Variants in RBMS1 observed in about 807,000 individuals in gnomAD.
The protein encoded by RBMS1 is RNA-binding motif, single-stranded-interacting protein 1.
A neutral mutation model predicts 62.3 loss-of-function variants in RBMS1; 17 were observed. The observed-to-expected ratio is 0.27, with a 90% CI of 0.19 to 0.41. The LOEUF is 0.41. Ranked by LOEUF, RBMS1 falls within the 10% of genes least tolerant of loss-of-function variation. The probability of loss-of-function intolerance (pLI) is 1.00; values close to 1 mark genes in which losing one functional copy is unlikely to be tolerated. For synonymous variants in RBMS1, 172 were observed against 170.0 expected (o/e 1.01, Z -0.09); for missense variants, 334 against 504.5 (o/e 0.66, Z 3.24).
intron 1 of RBMS1, among the ~76,000 whole-genome samples, chr2:160,402,443 A>C (rs1695483943): frequency 6.6e-6 from 1 of 152,198 alleles, no homozygotes; most frequent in African/African-American, 2.4e-5. Context: ...TCCCTGAGAG[A>C]GGGCTGCTAG....
intron 9 of RBMS1, chr2:160,281,883 C>T (rs1457234): frequency 0.1 from 18,320 of 179,346 alleles, 1,274 homozygotes; most frequent in East Asian, 0.25. Flanking sequence ...GTATTGTGGT[C>T]AACAATTTCT....
Position 160,274,558 on chromosome 2 carries a change from G to A in RBMS1, c.*214C>T, listed in dbSNP as rs969848255. 32 of 144,474 alleles carry A rather than the reference G, an allele frequency of 2.2e-4. No individual in the cohort carries two copies. The highest frequency in any genetic ancestry group is 6.7e-4 in the African/African-American group (26 of 38,746). The allele number at this position is 144,474 out of a possible 1,614,324, so 8.9% of individuals were successfully genotyped here. On this transcript the variant is annotated 3_prime_UTR_variant, in exon 14 of 14. Transcript: ENST00000348849. Reference sequence around the variant, plus strand: ...TTTTTTTACTAAAATAAACCTGTTCGGGGGAACAGCTACTAGATGAATTTA... The same window carrying A: ...TTTTTTTACTAAAATAAACCTGTTCAGGGGAACAGCTACTAGATGAATTTA...
At chr2:160,365,038 T>C (rs1358308345) in intron 2 of RBMS1, among the ~76,000 whole-genome samples, 2 of 152,232 alleles carry the variant, frequency 1.3e-5, no homozygotes, top group Admixed American at 6.5e-5. Context: ...AGCTCTAGCA[T>C]GAGTCCCTTC....
At chr2:160,476,546 CACT>C (rs1439475969) in intron 1 of RBMS1, among the ~76,000 whole-genome samples, 59 of 145,906 alleles carry the variant, frequency 4.0e-4, no homozygotes, top group Non-Finnish European at 7.1e-4. Context: ...GAACAAAACA[CACT>C]TCTTTTTTTT....
At chr2:160,360,855 C>G (rs940467169) in intron 2 of RBMS1, among the ~76,000 whole-genome samples, 10 of 152,198 alleles carry the variant, frequency 6.6e-5, no homozygotes, top group African/African-American at 1.7e-4. Context: ...TCTTGCTTTA[C>G]TGTTTCACCT....
chr2:160,302,792 T>C (rs941431374), intron 5 of RBMS1: 1 of 145,634 alleles, frequency 6.9e-6, no homozygotes, highest in East Asian at 2.0e-4. Context: ...ATGCCTGGCC[T>C]AGGTTTTATT....
chr2:160,447,227 C>A (rs1053865018), intron 1 of RBMS1, among the ~76,000 whole-genome samples: 3 of 152,082 alleles, frequency 2.0e-5, no homozygotes, highest in Admixed American at 6.5e-5. Flanking sequence ...CACCTGACCT[C>A]CAAGGTCATC....
intron 1 of RBMS1, among the ~76,000 whole-genome samples, chr2:160,389,055 C>A (rs78722773): frequency 0.014 from 2,077 of 152,298 alleles, 21 homozygotes; most frequent in Non-Finnish European, 0.023. Flanking sequence ...CCTGGTCAAC[C>A]CAACGACCTC....
At chr2:160,455,726 C>A (rs1225588902) in intron 1 of RBMS1, among the ~76,000 whole-genome samples, 5 of 149,290 alleles carry the variant, frequency 3.3e-5, no homozygotes, top group Non-Finnish European at 7.4e-5. Context: ...CTCTGTCGCC[C>A]AGGCTGGAGT....
At chr2:160,344,095 G>A (rs985147088) in intron 2 of RBMS1, among the ~76,000 whole-genome samples, 1 of 152,134 alleles carries the variant, frequency 6.6e-6, no homozygotes, top group Non-Finnish European at 1.5e-5. Flanking sequence ...GAAAGCAGCT[G>A]CTACCTTTTA....
intron 1 of RBMS1, among the ~76,000 whole-genome samples, chr2:160,484,900 A>G (rs1313347573): frequency 6.6e-6 from 1 of 152,098 alleles, no homozygotes; most frequent in Non-Finnish European, 1.5e-5. Flanking sequence ...CGAAGCATCA[A>G]CGAACCAGGA....
At chr2:160,486,990 G>C (rs1470889004) in intron 1 of RBMS1, among the ~76,000 whole-genome samples, 1 of 152,130 alleles carries the variant, frequency 6.6e-6, no homozygotes. Context: ...ACCTCTAATA[G>C]GTTGGCTTAA....
At chr2:160,329,311 C>T (rs559482890) in intron 2 of RBMS1, among the ~76,000 whole-genome samples, 1 of 152,280 alleles carries the variant, frequency 6.6e-6, no homozygotes, top group Admixed American at 6.5e-5. Flanking sequence ...CAAGGGAATG[C>T]TACCACAGCC....
chr2:160,343,031 C>T (rs1005942338), intron 2 of RBMS1, among the ~76,000 whole-genome samples: 4 of 152,096 alleles, frequency 2.6e-5, no homozygotes, highest in African/African-American at 9.7e-5. Context: ...GCATGGAGCT[C>T]ATGGAAACTT....
intron 1 of RBMS1, among the ~76,000 whole-genome samples, chr2:160,466,854 C>T (rs190613993): frequency 1.3e-5 from 2 of 152,318 alleles, no homozygotes; most frequent in African/African-American, 4.8e-5. Flanking sequence ...CAACTCCTTA[C>T]CTGCCATATG....
At chr2:160,368,380 T>A (rs1445159955) in intron 1 of RBMS1, among the ~76,000 whole-genome samples, 1 of 152,168 alleles carries the variant, frequency 6.6e-6, no homozygotes, top group East Asian at 1.9e-4. Context: ...AATTAAATAG[T>A]CACTAGACAG....
intron 1 of RBMS1, among the ~76,000 whole-genome samples, chr2:160,487,050 T>A (rs894588285): frequency 6.6e-6 from 1 of 152,174 alleles, no homozygotes; most frequent in Non-Finnish European, 1.5e-5. Flanking sequence ...TGAAATAAAT[T>A]AATTGAATAT....
At chr2:160,376,498 TCTA>T (rs1694006835) in intron 1 of RBMS1, among the ~76,000 whole-genome samples, 1 of 152,228 alleles carries the variant, frequency 6.6e-6, no homozygotes, top group African/African-American at 2.4e-5. Context: ...AACAATACTG[TCTA>T]CTTTTGTTTC....
chr2:160,277,252 A>G (rs535381042), intron 12 of RBMS1, 51 bp downstream of exon 12: 2 of 1,445,616 alleles, frequency 1.4e-6, no homozygotes, highest in East Asian at 2.3e-5. Context: ...TAATTTACCC[A>G]TTTCTGAAAC....
Sources: allele counts gnomAD v4.1 joint callset (sites outside exome capture counted in the v4.1 genomes callset), GRCh38; gene constraint gnomAD v4.1.1; transcripts MANE v1.5; gene names NCBI Gene and HGNC (gene_info 2026-07-23, HGNC 2026-07-21).